Variants in DUOX2 observed in about 807,000 individuals in gnomAD.
DUOX2 encodes the protein dual oxidase 2, also known as NADH/NADPH thyroid oxidase p138-tox.
A neutral mutation model predicts 183.3 loss-of-function variants in DUOX2; 185 were observed. That is an observed-to-expected ratio of 1.01 (90% confidence interval 0.90 to 1.14). DUOX2 has a LOEUF of 1.14. Among genes scored for constraint, DUOX2 ranks in the 50% most tolerant of loss-of-function variants. DUOX2 has a pLI of 0.00. For synonymous variants in DUOX2, 788 were observed against 812.4 expected (o/e 0.97, Z 0.51); for missense variants, 1,999 against 2,022.9 (o/e 0.99, Z 0.23).
At position 45,105,769 on chromosome 15, in the gene DUOX2, G is replaced by T; in HGVS notation, c.2208C>A (p.Phe736Leu). 6.2e-7 allele frequency: 1 copy of T among 1,614,252 alleles called. No homozygotes were observed. The highest frequency in any genetic ancestry group is 8.5e-7 in the Non-Finnish European group (1 of 1,180,048). Reference sequence around the variant, plus strand: ...GGAGGCCCAGAGCCCAGCGCACGCAGAAGTCCCATAGCTGCTGCACAAAGG... The same window carrying T: ...GGAGGCCCAGAGCCCAGCGCACGCATAAGTCCCATAGCTGCTGCACAAAGG... The part of the protein sequence containing the change: ...RGAFVQQLWD[F>L]CVRWALGLHV... Residue 736 changes from phenylalanine (F) to leucine (L), a missense_variant, in exon 18 of 34, where the codon TTC becomes TTA. This residue lies in a region of DUOX2 where 1,628 missense variants were observed against 1,608.6 expected (regional missense o/e 1.01). Coordinates refer to ENST00000389039, the MANE Select transcript of DUOX2 (RefSeq NM_001363711.2).
At chr15:45,107,916 C>T in intron 13 of DUOX2, 131 bp downstream of exon 13, 2 of 868,818 alleles carry the variant, frequency 2.3e-6, no homozygotes, top group Admixed American at 3.5e-5. Flanking sequence ...AAAGAGAGAC[C>T]CAGAGGGGTT....
intron 29 of DUOX2, 138 bp downstream of exon 29, chr15:45,097,100 G>A (rs1893923387): frequency 7.7e-7 from 1 of 1,298,762 alleles, no homozygotes; most frequent in East Asian, 2.3e-5. Flanking sequence ...GAACCCCCGA[G>A]AGTGGTTTTT....
Position 45,104,026 on chromosome 15 carries a change from A to G in DUOX2, c.2588T>C (p.Met863Thr), listed in dbSNP as rs1894149063. ...KGSPEDKSRL[M>T]FTMYDLDENG... ...CTCATCCAGGTCATACATGGTAAAC[A>G]TTAGACGGGACTTATCCTCTGGGGA... Residue 863 changes from methionine to threonine, a missense_variant, in exon 20 of 34, where the codon ATG (methionine) becomes ACG (threonine). Coordinates refer to ENST00000389039, the MANE Select transcript of DUOX2 (RefSeq NM_001363711.2). 6.2e-7 allele frequency: 1 copy of G among 1,614,178 alleles called. No individual in the cohort carries two copies. Among genetic ancestry groups the G allele is most frequent in the Non-Finnish European group, 8.5e-7 (1 of 1,180,034 alleles).
Position 45,094,248 on chromosome 15 carries a change from AGC to A in DUOX2, c.4547_4548del (p.Ser1516MetfsTer30). On this transcript the variant is annotated frameshift_variant, in exon 34 of 34. Coordinates refer to ENST00000389039, the MANE Select transcript of DUOX2 (RefSeq NM_001363711.2). LOFTEE classifies it high-confidence loss of function. Reference protein sequence around the residue: ...HPQVRKIGVFSCGPPGMTKNV... With the variant: ...HPQVRKIGVFXCGPPGMTKNV... ...TTCTTGGTCATTCCTGGAGGGCCGCAGCTGAACACCCCGATCTTGCGCACCTG... is the reference window on the plus strand; with the variant it reads ...TTCTTGGTCATTCCTGGAGGGCCGCATGAACACCCCGATCTTGCGCACCTG... 6.2e-7 allele frequency: 1 copy of A among 1,614,146 alleles called. No homozygotes were observed. The highest frequency in any genetic ancestry group is 8.5e-7 in the Non-Finnish European group (1 of 1,180,032).
In DUOX2 at chr15:45,108,172, C is replaced by A. The variant is rs1187784584; in HGVS notation, c.1449G>T (p.Glu483Asp). ...ALYNQDLSQL[E>D]LLLGGLLESH... ...TCTCCAGGAGCCCCCCAAGGAGCAGCTCTAGCTGGGATAGGTCCTGGTTGT... is the reference window on the plus strand; with the variant it reads ...TCTCCAGGAGCCCCCCAAGGAGCAGATCTAGCTGGGATAGGTCCTGGTTGT... The change falls in exon 13 of 34, where the codon GAG (glutamate) becomes GAT (aspartate). Residue 483 changes from glutamate (E) to aspartate (D), a missense_variant. By Grantham distance (45) the Glu-to-Asp change is conservative. Around this residue, in one of 3 missense-constraint regions of DUOX2, gnomAD observed 1,628 missense variants for 1,608.6 expected, o/e 1.01. Transcript: ENST00000389039. The A allele has an allele frequency of 1.9e-6, 3 of 1,614,218 alleles. No homozygotes were observed. The highest frequency in any genetic ancestry group is 2.2e-5 in the South Asian group (2 of 91,080).
chr15:45,103,372 C>T (rs538296353), intron 20 of DUOX2, among the ~76,000 whole-genome samples: 53 of 152,270 alleles, frequency 3.5e-4, no homozygotes, highest in African/African-American at 1.2e-3. Context: ...GGGAACAAGC[C>T]CTGCCCTTAT....
Position 45,095,445 on chromosome 15 carries a change from A to G in DUOX2, c.4231T>C (p.Cys1411Arg). The change falls in exon 31 of 34, where the codon TGT becomes CGT. Residue 1411 changes from cysteine (C) to arginine (R), a missense_variant. Around this residue, in one of 3 missense-constraint regions of DUOX2, gnomAD observed 1,628 missense variants for 1,608.6 expected, o/e 1.01. Coordinates refer to ENST00000389039, the MANE Select transcript of DUOX2 (RefSeq NM_001363711.2). ...GAGGGAGGGATGCTCACCTTCTTAC[A>G]CAGCATTTGGCTGCCCAAGGATGAC... ...FKSSLGSQMLCKKIYFIWVTR... is the reference protein window; with the variant it reads ...FKSSLGSQMLRKKIYFIWVTR... The G allele has an allele frequency of 1.2e-6, 2 of 1,614,174 alleles. No individual in the cohort carries two copies. Among genetic ancestry groups the G allele is most frequent in the Non-Finnish European group, 1.7e-6 (2 of 1,180,038 alleles).
At position 45,106,109 on chromosome 15, in the gene DUOX2, G is replaced by A; in HGVS notation, c.2148+16C>T. Reference sequence around the variant, plus strand: ...TGTGAGGGCAGCCCAGGCTGGGGAGGCAGGACGAGCCATACCAGGTCATAC... The same window carrying A: ...TGTGAGGGCAGCCCAGGCTGGGGAGACAGGACGAGCCATACCAGGTCATAC... On this transcript the variant is annotated intron_variant, in intron 17 of 33. Coordinates refer to ENST00000389039, the MANE Select transcript of DUOX2 (RefSeq NM_001363711.2). 6.2e-7 allele frequency: 1 copy of A among 1,613,890 alleles called. No individual in the cohort carries two copies. The highest frequency in any genetic ancestry group is 1.7e-5 in the Admixed American group (1 of 60,000).
rs369158930 is a variant in DUOX2 at position 45,112,636 on chromosome 15, C to A, written c.243G>T (p.Pro81=). The stretch of plus-strand genomic sequence containing the variant: ...GCGTGGCTGCGTTGCTGAGCCGGCG[C>A]GGGTTGGGCAGCTGCGGCTCCTCCA... ...QALEEPQLPN[P]RRLSNAATRG... Residue 81 remains proline (P), a synonymous_variant, in exon 4 of 34, where the codon CCG becomes CCT. Coordinates refer to ENST00000389039, the MANE Select transcript of DUOX2 (RefSeq NM_001363711.2). The A allele has an allele frequency of 6.2e-7, 1 of 1,612,836 alleles. No homozygotes were observed. Among genetic ancestry groups the A allele is most frequent in the South Asian group, 1.1e-5 (1 of 91,064 alleles).
At chr15:45,109,336 CA>C in intron 11 of DUOX2, 187 bp downstream of exon 11, 1 of 619,158 alleles carries the variant, frequency 1.6e-6, no homozygotes, top group Non-Finnish European at 2.8e-6. Context: ...AAAAGCAACA[CA>C]AAAGTGTAAA....
chr15:45,109,154 G>C, intron 11 of DUOX2: 1 of 683,696 alleles, frequency 1.5e-6, no homozygotes, highest in Non-Finnish European at 2.6e-6. Context: ...TTTCCAGTAA[G>C]ACCCTTCCTC....
At chr15:45,099,019 T>TC (rs1339170095) in intron 26 of DUOX2, 1 of 266,024 alleles carries the variant, frequency 3.8e-6, no homozygotes, top group Non-Finnish European at 7.4e-6. Context: ...CTTTCTTTTT[T>TC]TTTTTTTTTG....
intron 23 of DUOX2, 58 bp from the exon 24 acceptor site, chr15:45,100,286 T>C: frequency 6.5e-7 from 1 of 1,532,182 alleles, no homozygotes; most frequent in Non-Finnish European, 8.9e-7. Flanking sequence ...CTTCCCTTAA[T>C]GCCACTCCAT....
intron 7 of DUOX2, among the ~76,000 whole-genome samples, 187 bp from the exon 8 acceptor site, chr15:45,110,897 G>T (rs1795817181): frequency 1.3e-5 from 2 of 150,898 alleles, no homozygotes; most frequent in South Asian, 4.2e-4. Flanking sequence ...GGGAGTGGGG[G>T]TTGGGGAGGT....
intron 21 of DUOX2, 33 bp downstream of exon 21, chr15:45,101,760 C>T (rs1252969489): frequency 1.9e-6 from 3 of 1,614,028 alleles, no homozygotes; most frequent in African/African-American, 1.3e-5. Flanking sequence ...CACGCCCCCC[C>T]TCCCTGACGC....
chr15:45,095,237 C>T (rs1893870081), intron 31 of DUOX2, 146 bp from the exon 32 acceptor site: 2 of 1,395,128 alleles, frequency 1.4e-6, no homozygotes, highest in African/African-American at 2.8e-5. Flanking sequence ...CCCAGGCTTC[C>T]AACTGACAGG....
In DUOX2 at chr15:45,112,736, G is replaced by A; in HGVS notation, c.161-18C>T. 6.2e-7 allele frequency: 1 copy of A among 1,610,038 alleles called. No individual in the cohort carries two copies. The highest frequency in any genetic ancestry group is 8.5e-7 in the Non-Finnish European group (1 of 1,179,856). On this transcript the variant is annotated intron_variant, in intron 3 of 33. Coordinates refer to ENST00000389039, the MANE Select transcript of DUOX2 (RefSeq NM_001363711.2). Reference sequence around the variant, plus strand: ...CCGGCAGCCTGCGGAGGCAGGGAGCGGGGCTCTGTCTAAGCACTCCATCCC... The same window carrying A: ...CCGGCAGCCTGCGGAGGCAGGGAGCAGGGCTCTGTCTAAGCACTCCATCCC...
chr15:45,101,718 G>A (rs1894085065), intron 21 of DUOX2, 75 bp downstream of exon 21: 1 of 1,592,960 alleles, frequency 6.3e-7, no homozygotes, highest in Non-Finnish European at 8.6e-7. Flanking sequence ...TAAGACCTGG[G>A]TCCTGCCCAC....
intron 22 of DUOX2, 70 bp from the exon 23 acceptor site, chr15:45,100,908 A>G (rs1894064725): frequency 8.7e-7 from 1 of 1,146,190 alleles, no homozygotes; most frequent in Non-Finnish European, 1.3e-6. Flanking sequence ...TGGGCAGAGC[A>G]TGGGGTAGAG....
Sources: gnomAD v4.1 joint callset for allele counts (sites outside exome capture counted in the v4.1 genomes callset) on GRCh38, gnomAD v4.1.1 for gene constraint, gnomAD v4.1.1 regional missense constraint, MANE v1.5 for transcripts, NCBI Gene and HGNC (gene_info 2026-07-23, HGNC 2026-07-21) for gene names.